Variants in ASTN1 observed in about 807,000 individuals in gnomAD.
ASTN1 encodes astrotactin 1, also known as astrotactin-1.
ASTN1 carries 41 observed loss-of-function variants against 140.7 expected under a neutral mutation model. The ratio of observed to expected loss-of-function variants is 0.29; its 90% CI spans 0.23 to 0.38. ASTN1 has a LOEUF of 0.38. Among genes scored for constraint, ASTN1 ranks in the 10% least tolerant of loss-of-function variants. The pLI is 1.00. For synonymous variants in ASTN1, 640 were observed against 652.2 expected, an observed-to-expected ratio of 0.98 and a Z score of 0.29; for missense variants, 1,479 against 1,678.8, an observed-to-expected ratio of 0.88 and a Z score of 2.08.
intron 1 of ASTN1, among the ~76,000 whole-genome samples, chr1:177,161,328 T>C (rs905335481): frequency 2.0e-5 from 3 of 152,208 alleles, no homozygotes; most frequent in African/African-American, 7.2e-5. Context: ...GCCATTTCCA[T>C]ATTCACTCCC....
At chr1:177,142,931 G>A (rs894397822) in intron 1 of ASTN1, among the ~76,000 whole-genome samples, 1 of 151,468 alleles carries the variant, frequency 6.6e-6, no homozygotes, top group Admixed American at 6.6e-5. Context: ...AGTTTCAAGA[G>A]CCACAAATTA....
chr1:177,010,525 C>A (rs892688534), intron 8 of ASTN1, among the ~76,000 whole-genome samples: 2 of 152,192 alleles, frequency 1.3e-5, no homozygotes, highest in Admixed American at 6.5e-5. Flanking sequence ...TTGTTTAAAT[C>A]TTTCTGAAGC....
Position 176,943,996 on chromosome 1 carries a change from A to C in ASTN1, c.2272T>G (p.Leu758Val). 6.2e-7 allele frequency: 1 copy of C among 1,614,064 alleles called. No homozygotes were observed. The highest frequency in any genetic ancestry group is 8.5e-7 in the Non-Finnish European group (1 of 1,179,984). The change falls in exon 14 of 23, where the codon TTA becomes GTA. Residue 758 changes from leucine to valine, a missense_variant. Leu to Val is a conservative substitution (Grantham distance 32). Coordinates refer to ENST00000361833, the MANE Select transcript of ASTN1 (RefSeq NM_004319.3). ...TFRQNNFARG[L>V]DQQLPDGLVV... Reference sequence around the variant, plus strand: ...AGACCATCTGGCAGTTGCTGGTCTAAACCACGAGCAAAGTTGTTTTGCCTA... The same window carrying C: ...AGACCATCTGGCAGTTGCTGGTCTACACCACGAGCAAAGTTGTTTTGCCTA...
chr1:176,868,468 A>G (rs925520170), intron 22 of ASTN1, among the ~76,000 whole-genome samples: 24 of 152,164 alleles, frequency 1.6e-4, no homozygotes, highest in African/African-American at 5.8e-4. Context: ...CATATGAAAA[A>G]CCTAAATGCA....
chr1:177,041,937 G>A (rs1016043577), intron 2 of ASTN1, among the ~76,000 whole-genome samples: 1 of 152,206 alleles, frequency 6.6e-6, no homozygotes, highest in African/African-American at 2.4e-5. Flanking sequence ...GTCACTGCAG[G>A]AAGACCTTAT....
At chr1:177,001,132 G>A (rs973820364) in intron 8 of ASTN1, among the ~76,000 whole-genome samples, 1 of 152,212 alleles carries the variant, frequency 6.6e-6, no homozygotes, top group Non-Finnish European at 1.5e-5. Context: ...TATTGCTTAT[G>A]AAAGACCATG....
At chr1:177,039,513 G>A (rs1676874525) in intron 2 of ASTN1, among the ~76,000 whole-genome samples, 1 of 152,174 alleles carries the variant, frequency 6.6e-6, no homozygotes. Flanking sequence ...AAATGTTCCA[G>A]GGATAAGGAA....
In ASTN1 at chr1:177,014,806, C is replaced by G; in HGVS notation, c.1508G>C (p.Trp503Ser). ...VHKHLCIRNEWGTNQGPWPYT... is the reference protein window; with the variant it reads ...VHKHLCIRNESGTNQGPWPYT... ...CCTCACTTACCCCTGGTTTGTCCCC[C>G]ATTCGTTCCGAATGCAAAGGTGCTT... Residue 503 changes from tryptophan to serine, a missense_variant, in exon 8 of 23, where the codon TGG (tryptophan) becomes TCG (serine). Trp to Ser is a radical substitution (Grantham distance 177). Around this residue, in one of 3 missense-constraint regions of ASTN1, gnomAD observed 729 missense variants for 860.4 expected, o/e 0.85. Coordinates refer to ENST00000361833, the MANE Select transcript of ASTN1 (RefSeq NM_004319.3). 1 of 1,613,686 alleles carries G rather than the reference C, an allele frequency of 6.2e-7. No individual in the cohort carries two copies. Among genetic ancestry groups the G allele is most frequent in the Non-Finnish European group, 8.5e-7 (1 of 1,179,690 alleles).
intron 8 of ASTN1, among the ~76,000 whole-genome samples, chr1:176,984,210 C>T (rs952934739): frequency 1.3e-5 from 2 of 152,202 alleles, no homozygotes; most frequent in African/African-American, 4.8e-5. Flanking sequence ...GTGCAGCAGG[C>T]AGCAACAAAA....
Position 177,075,673 on chromosome 1 carries a change from G to T in ASTN1, c.284-14408C>A, listed in dbSNP as rs190886024. ...TTTTTTTTTTTTTTTTTGAGACAAGGTCTCGCTCTGTTGCCCAGGCTGGAG... is the reference window on the plus strand; with the variant it reads ...TTTTTTTTTTTTTTTTTGAGACAAGTTCTCGCTCTGTTGCCCAGGCTGGAG... On this transcript the variant is annotated intron_variant, in intron 1 of 22. Transcript: ENST00000361833. Among the ~76,000 whole-genome samples, 288 of 123,798 alleles carry T rather than the reference G, an allele frequency of 2.3e-3. 2 individuals are homozygous for T. The highest frequency in any genetic ancestry group is 8.9e-3 in the African/African-American group (273 of 30,756). The allele number at this position is 123,798 out of a possible 152,430, so 81.2% of individuals were successfully genotyped here. A position where few individuals can be genotyped will look rare whatever the true frequency, so the allele number is the denominator to read the frequency against.
At chr1:176,965,335 C>T (rs1672832629) in intron 8 of ASTN1, 98 bp from the exon 9 acceptor site, 2 of 1,178,058 alleles carry the variant, frequency 1.7e-6, no homozygotes, top group Non-Finnish European at 2.5e-6. Flanking sequence ...AGACACCCAG[C>T]CATCCAGGGC....
At chr1:176,988,328 A>AAG (rs1375181760) in intron 8 of ASTN1, among the ~76,000 whole-genome samples, 1 of 151,748 alleles carries the variant, frequency 6.6e-6, no homozygotes, top group Non-Finnish European at 1.5e-5. Context: ...AAAAAAAAAA[A>AAG]AAAAACCTTT....
chr1:177,074,466 A>C (rs979038704), intron 1 of ASTN1, among the ~76,000 whole-genome samples: 19 of 152,208 alleles, frequency 1.2e-4, no homozygotes, highest in Non-Finnish European at 2.5e-4. Context: ...TATGTATGGC[A>C]CACCCCTACA....
At chr1:176,908,081 C>T (rs1367540098) in intron 16 of ASTN1, among the ~76,000 whole-genome samples, 2 of 152,080 alleles carry the variant, frequency 1.3e-5, no homozygotes, top group Non-Finnish European at 2.9e-5. Context: ...TTACTTTGCC[C>T]TCTAAAGCTT....
At chr1:176,932,981 C>T (rs928223407) in intron 16 of ASTN1, among the ~76,000 whole-genome samples, 1 of 152,194 alleles carries the variant, frequency 6.6e-6, no homozygotes, top group Non-Finnish European at 1.5e-5. Flanking sequence ...TTACATTGCT[C>T]TCTTGGCAAA....
intron 1 of ASTN1, among the ~76,000 whole-genome samples, chr1:177,093,649 A>C (rs937133492): frequency 7.9e-5 from 12 of 152,202 alleles, no homozygotes; most frequent in South Asian, 2.1e-4. Flanking sequence ...TCCTGCACAC[A>C]CCCTCAAGAC....
intron 8 of ASTN1, among the ~76,000 whole-genome samples, chr1:176,991,516 G>A (rs1324493620): frequency 1.4e-5 from 2 of 144,600 alleles, no homozygotes; most frequent in African/African-American, 5.1e-5. Context: ...GTCCAAAGCT[G>A]GAAAGAAAGA....
intron 1 of ASTN1, among the ~76,000 whole-genome samples, chr1:177,119,220 T>C (rs1414358520): frequency 6.6e-6 from 1 of 152,226 alleles, no homozygotes; most frequent in African/African-American, 2.4e-5. Context: ...TGTCAACGAC[T>C]GTGCCTCATT....
At chr1:177,114,228 GATA>G (rs1680965971) in intron 1 of ASTN1, among the ~76,000 whole-genome samples, 1 of 152,146 alleles carries the variant, frequency 6.6e-6, no homozygotes, top group South Asian at 2.1e-4. Flanking sequence ...ATCAAAGGAG[GATA>G]ATAAAAATAC....
Sources: gnomAD v4.1 joint callset for allele counts (sites outside exome capture counted in the v4.1 genomes callset) on GRCh38, gnomAD v4.1.1 for gene constraint, gnomAD v4.1.1 regional missense constraint, MANE v1.5 for transcripts, NCBI Gene and HGNC (gene_info 2026-07-23, HGNC 2026-07-21) for gene names.